Variants in DIPK2A observed in about 807,000 individuals in gnomAD.
DIPK2A encodes the protein divergent protein kinase domain 2A, also known as Golgi Protein of 49 kDa.
DIPK2A carries 27 observed loss-of-function variants against 39.0 expected under a neutral mutation model. That is an observed-to-expected ratio of 0.69 (90% CI 0.51 to 0.96). DIPK2A has a LOEUF of 0.96. DIPK2A is among the 40% of genes least tolerant of loss of function. DIPK2A has a pLI of 0.00. For missense variants in DIPK2A, 528 were observed against 571.3 expected, an observed-to-expected ratio of 0.92 and a Z score of 0.77; for synonymous variants, 298 against 240.8, an observed-to-expected ratio of 1.24 and a Z score of -2.20.
chr3:143,976,555 T>TGTGAGAGA (rs1304250535), intron 1 of DIPK2A, among the ~76,000 whole-genome samples: 5 of 118,084 alleles, frequency 4.2e-5, no homozygotes, highest in East Asian at 2.1e-4. Context: ...TGTGTGTGTG[T>TGTGAGAGA]GAGAGAGAGA....
Position 143,972,185 on chromosome 3 carries a change from C to G in DIPK2A, c.-148C>G. ...GCGCCTTCCCGCTCCCCGTCTTCCT[C>G]TCTCACACACCTACTCCGCCCTCCG... On this transcript the variant is annotated 5_prime_UTR_variant, in exon 1 of 3. Coordinates refer to ENST00000315691, the MANE Select transcript of DIPK2A (RefSeq NM_173552.5). 1.6e-6 allele frequency: 1 copy of G among 612,244 alleles called. No individual in the cohort carries two copies. Among genetic ancestry groups the G allele is most frequent in the Non-Finnish European group, 2.4e-6 (1 of 408,254 alleles). The allele number at this position is 612,244 out of a possible 1,614,324, so 37.9% of individuals were successfully genotyped here.
intron 2 of DIPK2A, among the ~76,000 whole-genome samples, chr3:143,988,186 C>T (rs938122118): frequency 1.3e-5 from 2 of 151,902 alleles, no homozygotes; most frequent in Non-Finnish European, 2.9e-5. Flanking sequence ...GCAGCCTTGA[C>T]CTCCCTGGCT....
At chr3:143,982,798 A>G (rs1186345279) in intron 1 of DIPK2A, among the ~76,000 whole-genome samples, 1 of 152,186 alleles carries the variant, frequency 6.6e-6, no homozygotes, top group Non-Finnish European at 1.5e-5. Context: ...AAAGACACAG[A>G]CTGGCAAATT....
intron 2 of DIPK2A, among the ~76,000 whole-genome samples, chr3:143,988,420 G>C (rs908939274): frequency 2.0e-5 from 3 of 151,984 alleles, no homozygotes; most frequent in African/African-American, 7.2e-5. Flanking sequence ...TGTGTTTTTC[G>C]AGTGCTTCAT....
chr3:143,973,500 T>A, intron 1 of DIPK2A: 1 of 1,551,620 alleles, frequency 6.4e-7, no homozygotes, highest in Non-Finnish European at 8.7e-7. Context: ...TGGCAGTCAT[T>A]TGGACACCTA....
chr3:143,989,566 G>C lies in DIPK2A; in HGVS notation c.1018G>C (p.Glu340Gln), dbSNP rs1318659681. 1.9e-6 allele frequency: 3 copies of C among 1,614,138 alleles called. No individual in the cohort carries two copies. Among genetic ancestry groups the C allele is most frequent in the Non-Finnish European group, 2.5e-6 (3 of 1,179,988 alleles). Residue 340 changes from glutamate (E) to glutamine (Q), a missense_variant, in exon 3 of 3, where the codon GAG becomes CAG. By Grantham distance (29) the Glu-to-Gln change is conservative. Transcript: ENST00000315691. ...AAGCAAGTTTGATGACTGTGATAAGGAGGCTTGCTTATCATTTTCAAAAGA... is the reference window on the plus strand; with the variant it reads ...AAGCAAGTTTGATGACTGTGATAAGCAGGCTTGCTTATCATTTTCAAAAGA... ...YESKFDDCDKEACLSFSKEIL... is the reference protein window; with the variant it reads ...YESKFDDCDKQACLSFSKEIL...
chr3:143,983,434 G>C (rs1253496991), intron 1 of DIPK2A, among the ~76,000 whole-genome samples: 2 of 152,156 alleles, frequency 1.3e-5, no homozygotes, highest in Non-Finnish European at 2.9e-5. Flanking sequence ...CATGGAAACT[G>C]AACAGCCTGC....
At chr3:143,978,602 C>CTATCTATATATATATATCTATATAGATA (rs1559853987) in intron 1 of DIPK2A, 2 of 137,538 alleles carry the variant, frequency 1.5e-5, no homozygotes, top group African/African-American at 5.4e-5. Context: ...ATCTATCTAT[C>CTATCTATATATATATATCTATATAGATA]TATATATATA....
intron 1 of DIPK2A, among the ~76,000 whole-genome samples, chr3:143,977,960 T>C (rs2087753787): frequency 2.0e-5 from 3 of 152,144 alleles, no homozygotes; most frequent in Admixed American, 6.5e-5. Context: ...TCCATATCTT[T>C]TGACCATTTT....
Position 143,972,079 on chromosome 3 carries a change from C to T in DIPK2A, c.-254C>T, listed in dbSNP as rs570768979. 1.6e-5 allele frequency: 6 copies of T among 382,276 alleles called. No homozygotes were observed. The highest frequency in any genetic ancestry group is 1.4e-4 in the South Asian group (1 of 7,080). 23.7% of individuals were successfully genotyped at this position (382,276 alleles called of 1,614,324 possible). A position where few individuals can be genotyped will look rare whatever the true frequency, so the allele number is the denominator to read the frequency against. ...GGCGTGGAGGAGGCGCCGCCGGAGTCGGAGGGCGGGGAGCTAGGAGGAGGG... is the reference window on the plus strand; with the variant it reads ...GGCGTGGAGGAGGCGCCGCCGGAGTTGGAGGGCGGGGAGCTAGGAGGAGGG... On this transcript the variant is annotated 5_prime_UTR_variant, in exon 1 of 3. Transcript: ENST00000315691.
intron 1 of DIPK2A, chr3:143,978,604 A>ATC (rs368704003): frequency 1.1e-3 from 39 of 35,572 alleles, no homozygotes; most frequent in African/African-American, 9.5e-3. Context: ...CTATCTATCT[A>ATC]TATATATATA....
chr3:143,973,116 C>G (rs1361795377), intron 1 of DIPK2A, 127 bp downstream of exon 1: 3 of 1,317,826 alleles, frequency 2.3e-6, no homozygotes, highest in Non-Finnish European at 3.2e-6. Context: ...AGGCTGCAGG[C>G]GTGGGAAGGG....
In DIPK2A at chr3:143,990,323, A is replaced by T. The variant is rs1451706230; in HGVS notation, c.*482A>T. On this transcript the variant is annotated 3_prime_UTR_variant, in exon 3 of 3. Coordinates refer to ENST00000315691, the MANE Select transcript of DIPK2A (RefSeq NM_173552.5). ...CCTTTTTTTTTTTAATTAAATTTTGAAAATTCAGGTTACTGTAGGTGTTCA... is the reference window on the plus strand; with the variant it reads ...CCTTTTTTTTTTTAATTAAATTTTGTAAATTCAGGTTACTGTAGGTGTTCA... The T allele has an allele frequency of 6.6e-6, 1 of 151,562 alleles. No homozygotes were observed. The highest frequency in any genetic ancestry group is 1.9e-4 in the East Asian group (1 of 5,154). The allele number at this position is 151,562 out of a possible 1,614,324, so 9.4% of individuals were successfully genotyped here. A position where few individuals can be genotyped will look rare whatever the true frequency, so the allele number is the denominator to read the frequency against.
rs1455898051 is a variant in DIPK2A at position 143,989,786 on chromosome 3, A to G, written c.1238A>G (p.Gln413Arg). 6.2e-7 allele frequency: 1 copy of G among 1,614,076 alleles called. No individual in the cohort carries two copies. Among genetic ancestry groups the G allele is most frequent in the Non-Finnish European group, 8.5e-7 (1 of 1,180,048 alleles). Residue 413 changes from glutamine to arginine, a missense_variant, in exon 3 of 3, where the codon CAG (glutamine) becomes CGG (arginine). Transcript: ENST00000315691. ...CCAAAGAAGCGCTATGGCAGATTCC[A>G]GGCTGCAAAAGAACTGCGTGAATAC... ...ANPKKRYGRF[Q>R]AAKELREYLA...
intron 1 of DIPK2A, among the ~76,000 whole-genome samples, chr3:143,983,488 A>T (rs2087855391): frequency 1.3e-5 from 2 of 152,232 alleles, no homozygotes; most frequent in East Asian, 1.9e-4. Context: ...AGGCAGAAGT[A>T]AATAAGTTAT....
At position 143,979,154 on chromosome 3, in the gene DIPK2A, G is replaced by A. The variant is rs577195230; in HGVS notation, c.657+6165G>A. Among the ~76,000 whole-genome samples the A allele has an allele frequency of 1.2e-4, 19 of 152,096 alleles. No homozygotes were observed. The South Asian group carries it at 3.9e-3, about 32-fold the overall frequency. Reference sequence around the variant, plus strand: ...ATGTAAAAATCCTACTTTTCTTATTGCAGACATTCAAATGTCACTGTCCTT... The same window carrying A: ...ATGTAAAAATCCTACTTTTCTTATTACAGACATTCAAATGTCACTGTCCTT... On this transcript the variant is annotated intron_variant, in intron 1 of 2. Transcript: ENST00000315691.
chr3:143,972,371 C>G lies in DIPK2A; in HGVS notation c.39C>G (p.Ser13=). 7.1e-7 allele frequency: 1 copy of G among 1,411,352 alleles called. No homozygotes were observed. Among genetic ancestry groups the G allele is most frequent in the Non-Finnish European group, 9.2e-7 (1 of 1,082,614 alleles). 87.4% of individuals were successfully genotyped at this position (1,411,352 alleles called of 1,614,324 possible). ...TGCCCCCGAAGCTGGGCCGCCTGTC[C>G]CGCTCGCTGAAGCTGGCGGCGCTGG... ...RLVPPKLGRL[S]RSLKLAALGS... The change falls in exon 1 of 3, where the codon TCC becomes TCG. Residue 13 remains serine (S), a synonymous_variant. Transcript: ENST00000315691.
At position 143,972,581 on chromosome 3, in the gene DIPK2A, G is replaced by A. The variant is rs773986887; in HGVS notation, c.249G>A (p.Leu83=). 1.3e-5 allele frequency: 21 copies of A among 1,612,134 alleles called. No individual in the cohort carries two copies. Among genetic ancestry groups the A allele is most frequent in the African/African-American group, 5.3e-5 (4 of 74,872 alleles). Reference sequence around the variant, plus strand: ...AGGCGTGGGGCCGCTTGCGCCTGCTGGACTTCCTCAACGTGAAGAACGTGT... The same window carrying A: ...AGGCGTGGGGCCGCTTGCGCCTGCTAGACTTCCTCAACGTGAAGAACGTGT... The part of the protein sequence containing the change: ...VFEAWGRLRL[L]DFLNVKNVYF... Residue 83 remains leucine, a synonymous_variant, in exon 1 of 3, where the codon CTG becomes CTA. Transcript: ENST00000315691.
In DIPK2A at chr3:143,972,902, C is replaced by T. The variant is rs369044041; in HGVS notation, c.570C>T (p.Gly190=). The change falls in exon 1 of 3, where the codon GGC becomes GGT. Residue 190 remains glycine (G), a synonymous_variant. Coordinates refer to ENST00000315691, the MANE Select transcript of DIPK2A (RefSeq NM_173552.5). ...GCTACGCGGAGACCAAGGACTCGGG[C>T]AGCTTCCTGCTTCGCAACCTCAAGG... ...VRRYAETKDS[G]SFLLRNLKDS... The T allele has an allele frequency of 6.9e-6, 11 of 1,583,610 alleles. No homozygotes were observed. Among genetic ancestry groups the T allele is most frequent in the Admixed American group, 1.8e-5 (1 of 56,206 alleles).
Sources: allele counts gnomAD v4.1 joint callset (sites outside exome capture counted in the v4.1 genomes callset), GRCh38; gene constraint gnomAD v4.1.1; transcripts MANE v1.5; gene names NCBI Gene and HGNC (gene_info 2026-07-23, HGNC 2026-07-21).